Variants in MALRD1 observed in about 807,000 individuals in gnomAD.
MALRD1 encodes MAM and LDL receptor class A domain containing 1, also known as MAM and LDL-receptor class A domain-containing protein 1.
In MALRD1, 247 loss-of-function variants were observed where a neutral mutation model predicts 242.1. The observed-to-expected ratio is 1.02, with a 90% confidence interval of 0.92 to 1.13. The LOEUF is 1.13. MALRD1 is among the 50% of genes most tolerant of loss of function. The probability of loss-of-function intolerance (pLI) is 0.00; values close to 1 mark genes in which losing one functional copy is unlikely to be tolerated. For missense variants in MALRD1, 2,989 were observed against 2,533.1 expected, an observed-to-expected ratio of 1.18 and a Z score of -3.86; for synonymous variants, 995 against 866.6, an observed-to-expected ratio of 1.15 and a Z score of -2.60.
chr10:19,686,683 TCTC>T (rs956796878), intron 36 of MALRD1, among the ~76,000 whole-genome samples: 3 of 152,100 alleles, frequency 2.0e-5, no homozygotes, highest in African/African-American at 7.2e-5. Flanking sequence ...AGGGGTGCCT[TCTC>T]CTGCCCTGTT....
intron 36 of MALRD1, among the ~76,000 whole-genome samples, chr10:19,653,009 TCAA>T (rs1256804729): frequency 6.6e-6 from 1 of 152,138 alleles, no homozygotes; most frequent in African/African-American, 2.4e-5. Context: ...AAGATTGAAT[TCAA>T]CATCATCTTG....
intron 2 of MALRD1, among the ~76,000 whole-genome samples, chr10:19,075,469 G>A (rs1202197945): frequency 6.6e-6 from 1 of 152,004 alleles, no homozygotes; most frequent in African/African-American, 2.4e-5. Flanking sequence ...TTGAGGACTT[G>A]ACCTCATTGC....
intron 19 of MALRD1, among the ~76,000 whole-genome samples, chr10:19,259,451 G>C (rs12255631): frequency 0.07 from 10,653 of 152,214 alleles, 471 homozygotes; most frequent in African/African-American, 0.11. Context: ...ATGGCAGAAG[G>C]TGAAGGAGGA....
chr10:19,212,671 T>G (rs557803549), intron 18 of MALRD1, among the ~76,000 whole-genome samples: 1 of 119,710 alleles, frequency 8.4e-6, no homozygotes, highest in Non-Finnish European at 1.7e-5. Context: ...ACTCTTAAAC[T>G]GTTTTTCAAA....
intron 35 of MALRD1, 44 bp downstream of exon 35, chr10:19,607,946 A>T (rs567759396): frequency 6.5e-7 from 1 of 1,541,686 alleles, no homozygotes; most frequent in Non-Finnish European, 8.8e-7. Flanking sequence ...TGAACCAGCA[A>T]CTTAACCTGC....
chr10:19,297,773 G>A (rs1056132119), intron 21 of MALRD1, among the ~76,000 whole-genome samples: 29 of 151,552 alleles, frequency 1.9e-4, no homozygotes, highest in African/African-American at 6.1e-4. Flanking sequence ...GTAAGGACCC[G>A]AAAGAAGATA....
intron 36 of MALRD1, among the ~76,000 whole-genome samples, chr10:19,638,413 G>T (rs1028380240): frequency 6.6e-6 from 1 of 152,106 alleles, no homozygotes; most frequent in Non-Finnish European, 1.5e-5. Flanking sequence ...AAAGTAAAGT[G>T]ATACTGCATT....
intron 33 of MALRD1, among the ~76,000 whole-genome samples, chr10:19,586,000 T>C (rs1837374198): frequency 6.6e-6 from 1 of 152,224 alleles, no homozygotes; most frequent in African/African-American, 2.4e-5. Flanking sequence ...TGATACCCTT[T>C]CTTCCAGTTG....
intron 30 of MALRD1, among the ~76,000 whole-genome samples, chr10:19,497,288 A>C (rs1351902847): frequency 6.7e-6 from 1 of 150,204 alleles, no homozygotes; most frequent in Admixed American, 6.6e-5. Context: ...CATATCACAT[A>C]ATAAAAACCT....
At chr10:19,262,655 C>CAA (rs34247984) in intron 19 of MALRD1, among the ~76,000 whole-genome samples, 26 of 97,508 alleles carry the variant, frequency 2.7e-4, no homozygotes, top group East Asian at 1.1e-3. Context: ...GAGTCTGTCT[C>CAA]AAAAAAAAAA....
chr10:19,378,990 T>C (rs998614693), intron 26 of MALRD1, among the ~76,000 whole-genome samples: 4 of 152,164 alleles, frequency 2.6e-5, no homozygotes, highest in African/African-American at 9.6e-5. Context: ...GTAATAGTTG[T>C]AGGGCTGTTC....
intron 28 of MALRD1, among the ~76,000 whole-genome samples, chr10:19,411,533 G>C (rs920196090): frequency 6.6e-6 from 1 of 152,144 alleles, no homozygotes; most frequent in East Asian, 1.9e-4. Flanking sequence ...AAGCTACCAT[G>C]ATCATACTTT....
chr10:19,554,723 T>C (rs1835640340), intron 32 of MALRD1, among the ~76,000 whole-genome samples: 1 of 152,230 alleles, frequency 6.6e-6, no homozygotes, highest in Non-Finnish European at 1.5e-5. Flanking sequence ...GGACATGATC[T>C]TGTTCCTTTT....
rs1251850512 is a variant in MALRD1, at chr10:19,734,145, T to G, written c.6391-12T>G. On this transcript the variant is annotated splice_polypyrimidine_tract_variant and intron_variant, in intron 39 of 39. Coordinates refer to ENST00000454679, the MANE Select transcript of MALRD1 (RefSeq NM_001142308.3). ...AAAATTCCACCCTTTCAAATGTGTT[T>G]TTCTTCGTCAGAGTTCTGTCTATTC... is the stretch of plus-strand genomic sequence containing the variant. The G allele has an allele frequency of 6.5e-7, 1 of 1,527,826 alleles. No homozygotes were observed. Among genetic ancestry groups the G allele is most frequent in the Admixed American group, 2.0e-5 (1 of 49,396 alleles). The allele number at this position is 1,527,826 out of a possible 1,614,324, so 94.6% of individuals were successfully genotyped here.
intron 2 of MALRD1, among the ~76,000 whole-genome samples, chr10:19,080,050 A>T (rs910191095): frequency 8.6e-5 from 13 of 151,884 alleles, no homozygotes; most frequent in African/African-American, 2.9e-4. Flanking sequence ...ACTGAAGAAT[A>T]TAGTTAACAA....
intron 5 of MALRD1, among the ~76,000 whole-genome samples, chr10:19,107,985 T>C (rs1347434149): frequency 6.6e-6 from 1 of 152,214 alleles, no homozygotes; most frequent in African/African-American, 2.4e-5. Context: ...CATCTTTACA[T>C]TGAATCTAAG....
chr10:19,541,504 A>G (rs1336255866), intron 32 of MALRD1, among the ~76,000 whole-genome samples: 1 of 152,236 alleles, frequency 6.6e-6, no homozygotes, highest in Non-Finnish European at 1.5e-5. Flanking sequence ...GTACAATATG[A>G]CACGAGTAAT....
intron 32 of MALRD1, among the ~76,000 whole-genome samples, chr10:19,534,207 A>G (rs1399599608): frequency 1.3e-5 from 2 of 152,160 alleles, no homozygotes; most frequent in Admixed American, 6.5e-5. Flanking sequence ...AGCAAAAACT[A>G]TTTTCATAAT....
At position 19,530,421 on chromosome 10, in the gene MALRD1, AAATATATAATATATAT is replaced by A. The variant is rs1238536909; in HGVS notation, c.5321-757_5321-742del. ...AAATATTATATATTTATATAATAATAAATATATAATATATATAATATATAATATATAATATATAATA... is the reference window on the plus strand; with the variant it reads ...AAATATTATATATTTATATAATAATAAATATATAATATATAATATATAATA... On this transcript the variant is annotated intron_variant, in intron 31 of 39. Transcript: ENST00000454679. 2.0e-3 allele frequency among the ~76,000 whole-genome samples: 39 copies of A among 19,516 alleles called. 3 individuals carry two copies. Among genetic ancestry groups the A allele is most frequent in the African/African-American group, 5.3e-3 (36 of 6,732 alleles). The allele number at this position is 19,516 out of a possible 152,430, so 12.8% of individuals were successfully genotyped here.
Sources: gnomAD v4.1 joint callset for allele counts (sites outside exome capture counted in the v4.1 genomes callset) on GRCh38, gnomAD v4.1.1 for gene constraint, MANE v1.5 for transcripts, NCBI Gene and HGNC (gene_info 2026-07-23, HGNC 2026-07-21) for gene names.